PTPRM: variants seen among roughly 807,000 people sequenced by gnomAD.
PTPRM encodes the protein protein tyrosine phosphatase receptor type M, also known as receptor-type tyrosine-protein phosphatase mu.
In PTPRM, 47 loss-of-function variants were observed where a neutral mutation model predicts 186.7. That is an observed-to-expected ratio of 0.25 (90% CI 0.20 to 0.32). The LOEUF is 0.32. Ranked by LOEUF, PTPRM falls within the 10% of genes least tolerant of loss-of-function variation. PTPRM has a pLI of 1.00. For missense variants in PTPRM, 1,494 were observed against 1,865.0 expected (o/e 0.80, Z 3.66); for synonymous variants, 668 against 674.9 (o/e 0.99, Z 0.16).
intron 14 of PTPRM, among the ~76,000 whole-genome samples, chr18:8,175,260 T>C (rs1748931583): frequency 6.6e-6 from 1 of 152,182 alleles, no homozygotes; most frequent in South Asian, 2.1e-4. Flanking sequence ...GACAAATTAA[T>C]TTGTAATATT....
chr18:8,351,277 C>G (rs530648552), intron 23 of PTPRM, among the ~76,000 whole-genome samples: 2 of 152,314 alleles, frequency 1.3e-5, no homozygotes, highest in East Asian at 1.9e-4. Context: ...TTAGCCCTTC[C>G]TCATTTATAG....
At chr18:7,871,192 G>A (rs1303570410) in intron 2 of PTPRM, among the ~76,000 whole-genome samples, 1 of 152,198 alleles carries the variant, frequency 6.6e-6, no homozygotes, top group Non-Finnish European at 1.5e-5. Context: ...CAGCTGTGGA[G>A]CACTGATTAA....
rs1171102860 is a variant in PTPRM, at chr18:8,237,449, TTTTTTTTTTTTTTC to T, written c.2301-6608_2301-6595del. Among the ~76,000 whole-genome samples, 385 of 120,984 alleles carry T rather than the reference TTTTTTTTTTTTTTC, an allele frequency of 3.2e-3. 4 individuals carry two copies. Among genetic ancestry groups the T allele is most frequent in the African/African-American group, 0.011 (311 of 27,730 alleles). The allele number at this position is 120,984 out of a possible 152,430, so 79.4% of individuals were successfully genotyped here. ...TCCCTCAATTTTTTTTTTTTTTTTT[TTTTTTTTTTTTTTC>T]CTGAGACAGAGTTTCGCTCTTGTTG... On this transcript the variant is annotated intron_variant, in intron 14 of 32. Coordinates refer to ENST00000580170, the MANE Select transcript of PTPRM (RefSeq NM_001105244.2).
intron 1 of PTPRM, among the ~76,000 whole-genome samples, chr18:7,638,304 G>A (rs563990540): frequency 2.0e-5 from 3 of 152,272 alleles, no homozygotes; most frequent in Admixed American, 6.5e-5. Context: ...AACTTCATGT[G>A]ATAAATCCAG....
chr18:7,888,151 G>C lies in PTPRM; in HGVS notation c.242G>C (p.Arg81Thr). Reference protein sequence around the residue: ...VNASGRPEGQRAHLLLPQLKE... With the variant: ...VNASGRPEGQTAHLLLPQLKE... ...GCCTCTGGGAGACCTGAGGGGCAGA[G>C]AGCCCACCTGCTCTTACCCCAACTT... The change falls in exon 3 of 33, where the codon AGA becomes ACA. Residue 81 changes from arginine (R) to threonine (T), a missense_variant. Around this residue, in one of 3 missense-constraint regions of PTPRM, gnomAD observed 296 missense variants for 345.5 expected, o/e 0.86. Coordinates refer to ENST00000580170, the MANE Select transcript of PTPRM (RefSeq NM_001105244.2). The C allele has an allele frequency of 9.9e-6, 16 of 1,614,082 alleles. No individual in the cohort carries two copies. Among genetic ancestry groups the C allele is most frequent in the Non-Finnish European group, 1.4e-5 (16 of 1,179,998 alleles).
rs1363261227 is a variant in PTPRM, at chr18:8,126,007, A to T, written c.2167+11180A>T. On this transcript the variant is annotated intron_variant, in intron 13 of 32. Transcript: ENST00000580170. ...TATATATATATATATATATATATATATATATATATATATATATATATTTTA... is the reference window on the plus strand; with the variant it reads ...TATATATATATATATATATATATATTTATATATATATATATATATATTTTA... Among the ~76,000 whole-genome samples the T allele has an allele frequency of 1.8e-3, 60 of 32,930 alleles. 2 individuals carry two copies. Among genetic ancestry groups the T allele is most frequent in the African/African-American group, 5.0e-3 (44 of 8,846 alleles). 21.6% of individuals were successfully genotyped at this position (32,930 alleles called of 152,430 possible).
chr18:7,839,959 G>GT (rs570123104), intron 2 of PTPRM, among the ~76,000 whole-genome samples: 17 of 151,794 alleles, frequency 1.1e-4, no homozygotes, highest in Non-Finnish European at 2.5e-4. Flanking sequence ...GTTTTCTGCT[G>GT]TAACAAGGCA....
intron 7 of PTPRM, among the ~76,000 whole-genome samples, chr18:7,979,636 C>T (rs981838654): frequency 7.9e-5 from 12 of 152,212 alleles, no homozygotes; most frequent in Admixed American, 2.0e-4. Context: ...TCTCAGGAAA[C>T]GACATCGTTT....
chr18:8,404,250 T>G (rs1258661515), intron 32 of PTPRM: 1 of 152,240 alleles, frequency 6.6e-6, no homozygotes, highest in African/African-American at 2.4e-5. Context: ...CTCGTGAATG[T>G]TATTCCACTG....
intron 7 of PTPRM, among the ~76,000 whole-genome samples, chr18:8,050,002 C>A (rs945025921): frequency 6.6e-6 from 1 of 152,026 alleles, no homozygotes; most frequent in African/African-American, 2.4e-5. Flanking sequence ...TGAGCCACCA[C>A]GCCCAGCCAA....
chr18:7,765,572 T>A (rs11663448), intron 1 of PTPRM, among the ~76,000 whole-genome samples: 72,734 of 151,998 alleles, frequency 0.48, 18,688 homozygotes, highest in East Asian at 0.86. Context: ...AAAATAATTA[T>A]GTCTATTAAA....
At chr18:8,230,044 C>A (rs11659503) in intron 14 of PTPRM, among the ~76,000 whole-genome samples, 80,273 of 151,962 alleles carry the variant, frequency 0.53, 21,673 homozygotes, top group Middle Eastern at 0.74. Flanking sequence ...CCGTTTCTCA[C>A]TTGGTGAGGT....
At chr18:8,259,317 T>C (rs953831307) in intron 19 of PTPRM, among the ~76,000 whole-genome samples, 1 of 152,200 alleles carries the variant, frequency 6.6e-6, no homozygotes, top group Admixed American at 6.5e-5. Flanking sequence ...TATAGTTGAA[T>C]GTGAAGATTG....
At chr18:8,010,684 G>A (rs1158139074) in intron 7 of PTPRM, among the ~76,000 whole-genome samples, 1 of 152,180 alleles carries the variant, frequency 6.6e-6, no homozygotes, top group Non-Finnish European at 1.5e-5. Flanking sequence ...AGACAGCCTT[G>A]CACATGGGAG....
Position 7,568,455 on chromosome 18 carries a change from C to A in PTPRM, c.73+564C>A, listed in dbSNP as rs1003441263. The stretch of plus-strand genomic sequence containing the variant: ...GGCGCGGCTGGCGACCCCGGGAGGT[C>A]CCCGCGGTCGTGCAGCGTCTGCGGA... On this transcript the variant is annotated intron_variant, in intron 1 of 32. Transcript: ENST00000580170. This position sits in a 1 kb window ranked among gnomAD's most constrained non-coding sequence, Gnocchi z 5.1. 6.6e-6 allele frequency among the ~76,000 whole-genome samples: 1 copy of A among 151,774 alleles called. No individual in the cohort carries two copies. The highest frequency in any genetic ancestry group is 1.5e-5 in the Non-Finnish European group (1 of 67,764).
At chr18:8,124,006 A>C (rs574194564) in intron 13 of PTPRM, among the ~76,000 whole-genome samples, 280 of 152,286 alleles carry the variant, frequency 1.8e-3, no homozygotes, top group Non-Finnish European at 3.1e-3. Context: ...TATAGTTTTC[A>C]CTCTAAAACT....
intron 23 of PTPRM, among the ~76,000 whole-genome samples, chr18:8,360,632 T>C (rs1206450901): frequency 1.3e-5 from 2 of 152,138 alleles, no homozygotes; most frequent in African/African-American, 2.4e-5. Context: ...TAGGACTTTG[T>C]ATAAAGAAGC....
Position 8,392,347 on chromosome 18 carries a change from G to A in PTPRM, c.4209-2129G>A, listed in dbSNP as rs190281267. 4.2e-3 allele frequency among the ~76,000 whole-genome samples: 640 copies of A among 152,168 alleles called. 3 individuals carry two copies. The highest frequency in any genetic ancestry group is 7.1e-3 in the Non-Finnish European group (481 of 68,008). ...TTAAAAATAAAAAGGTCCCATGGCC[G>A]GGCGCGGTGGCTCACACCTGTAATC... On this transcript the variant is annotated intron_variant, in intron 31 of 32. Coordinates refer to ENST00000580170, the MANE Select transcript of PTPRM (RefSeq NM_001105244.2).
chr18:8,380,545 G>A, intron 29 of PTPRM, 118 bp downstream of exon 29: 4 of 1,241,928 alleles, frequency 3.2e-6, no homozygotes, highest in Non-Finnish European at 4.6e-6. Context: ...AGTGCCAGTT[G>A]AAGTTGAGAA....
Sources: allele counts gnomAD v4.1 joint callset (sites outside exome capture counted in the v4.1 genomes callset), GRCh38; gene constraint gnomAD v4.1.1; regional missense constraint gnomAD v4.1.1; non-coding constraint Gnocchi (gnomAD v3.1); transcripts MANE v1.5; gene names NCBI Gene and HGNC (gene_info 2026-07-23, HGNC 2026-07-21).